The following PKD1 variants were observed in gnomAD, a reference collection of about 807,000 sequenced individuals.
PKD1 encodes the protein polycystin-1.
Under a neutral mutation model 361.7 loss-of-function variants are expected in PKD1, and 81 were observed. That is an observed-to-expected ratio of 0.22 (90% CI 0.19 to 0.27). The LOEUF is 0.27. PKD1 is among the 10% of genes least tolerant of loss of function. PKD1 has a pLI of 1.00. For missense variants in PKD1, 6,399 were observed against 6,118.3 expected (o/e 1.05, Z -1.53); for synonymous variants, 3,615 against 2,818.3 (o/e 1.28, Z -8.95).
chr16:2,093,180 G>C, intron 37 of PKD1, 87 bp from the exon 38 acceptor site: 1 of 1,511,652 alleles, frequency 6.6e-7, no homozygotes, highest in Non-Finnish European at 9.1e-7. Context: ...CATGGCTGCG[G>C]CAGGTGTGGC....
At position 2,110,328 on chromosome 16, in the gene PKD1, A is replaced by G; in HGVS notation, c.4839T>C (p.Ala1613=). 6.2e-7 allele frequency: 1 copy of G among 1,612,644 alleles called. No individual in the cohort carries two copies. Among genetic ancestry groups the G allele is most frequent in the Non-Finnish European group, 8.5e-7 (1 of 1,179,850 alleles). The change falls in exon 15 of 46, where the codon GCT becomes GCC. Residue 1613 remains alanine, a synonymous_variant. Transcript: ENST00000262304. ...CCTGGGCGGAGCCCACCTCGTTCTCAGCCGTGACGATGATATTGAAGGTGC... is the reference window on the plus strand; with the variant it reads ...CCTGGGCGGAGCCCACCTCGTTCTCGGCCGTGACGATGATATTGAAGGTGC... ...SVGTFNIIVT[A]ENEVGSAQDS... is the part of the protein sequence containing the mutation.
rs537675423 is a variant in PKD1 at position 2,111,299 on chromosome 16, G to C, written c.3868C>G (p.Leu1290Val). The C allele has an allele frequency of 7.1e-5, 115 of 1,609,208 alleles. No individual in the cohort carries two copies. The East Asian group carries it at 2.5e-3, about 35-fold the overall frequency. Residue 1290 changes from leucine (L) to valine (V), a missense_variant, in exon 15 of 46, where the codon CTG (leucine) becomes GTG (valine). By Grantham distance (32) the Leu-to-Val change is conservative. Transcript: ENST00000262304. Reference sequence around the variant, plus strand: ...CGCAGCACCTCCAGGACGAAGACCAGCACGTGCAGGCTCCGGGCCAGGTGG... The same window carrying C: ...CGCAGCACCTCCAGGACGAAGACCACCACGTGCAGGCTCCGGGCCAGGTGG... Reference protein sequence around the residue: ...AGHLARSLHVLVFVLEVLRVE... With the variant: ...AGHLARSLHVVVFVLEVLRVE...
Position 2,089,763 on chromosome 16 carries a change from A to C in PKD1, c.12876T>G (p.Leu4292=), listed in dbSNP as rs1187351488. 6.3e-7 allele frequency: 1 copy of C among 1,595,078 alleles called. No individual in the cohort carries two copies. Among genetic ancestry groups the C allele is most frequent in the South Asian group, 1.1e-5 (1 of 88,436 alleles). Reference sequence around the variant, plus strand: ...TGGGGTGGACCTTGTTCTTGGCCCGAAGGGGTGTCCTGCTGGGGCCAGTGG... The same window carrying C: ...TGGGGTGGACCTTGTTCTTGGCCCGCAGGGGTGTCCTGCTGGGGCCAGTGG... ...DLATGPSRTP[L]RAKNKVHPSS... The change falls in exon 46 of 46, where the codon CTT becomes CTG. Residue 4292 remains leucine (L), a synonymous_variant. Coordinates refer to ENST00000262304, the MANE Select transcript of PKD1 (RefSeq NM_001009944.3).
In PKD1 at chr16:2,103,733, G is replaced by A. The variant is rs186826765; in HGVS notation, c.8324C>T (p.Thr2775Met). ...RSRVLNEEPL[T>M]LAGEEIVAQG... ...GGCCACGATCTCCTCGCCCGCCAGC[G>A]TCAGGGGCTCCTCGTTGAGCACGCG... Residue 2775 changes from threonine (T) to methionine (M), a missense_variant, in exon 23 of 46, where the codon ACG becomes ATG. Coordinates refer to ENST00000262304, the MANE Select transcript of PKD1 (RefSeq NM_001009944.3). 4.6e-5 allele frequency: 74 copies of A among 1,610,036 alleles called. No individual in the cohort carries two copies. In the African/African-American group the frequency reaches 6.7e-4, roughly 15 times the overall value.
chr16:2,104,758 A>G, intron 21 of PKD1, 116 bp from the exon 22 acceptor site: 1 of 770,798 alleles, frequency 1.3e-6, no homozygotes, highest in Non-Finnish European at 2.2e-6. Context: ...TGGAGAGCCC[A>G]CTTGACTGGA....
At chr16:2,099,460 T>C (rs1346006521) in intron 30 of PKD1, 184 bp downstream of exon 30, 2 of 696,442 alleles carry the variant, frequency 2.9e-6, no homozygotes, top group East Asian at 2.8e-5. Flanking sequence ...TTCTGGCTTC[T>C]GAGTCTTCTC....
chr16:2,121,674 C>A (rs568229005), intron 1 of PKD1, among the ~76,000 whole-genome samples: 1 of 152,212 alleles, frequency 6.6e-6, no homozygotes, highest in East Asian at 1.9e-4. Context: ...GCCTCAAGCA[C>A]CTCGGGGGTC....
rs759043048 is a variant in PKD1 at position 2,110,595 on chromosome 16, G to A, written c.4572C>T (p.Thr1524=). ...CCTCATTCCAGCCGGCCACCCTAAC[G>A]GTGAAGTCACCTGTGCTGTTGTAAG... ...THAYNSTGDF[T]VRVAGWNEVS... Residue 1524 remains threonine (T), a synonymous_variant, in exon 15 of 46, where the codon ACC becomes ACT. Coordinates refer to ENST00000262304, the MANE Select transcript of PKD1 (RefSeq NM_001009944.3). 59 of 1,610,702 alleles carry A rather than the reference G, an allele frequency of 3.7e-5. No homozygotes were observed. Among genetic ancestry groups the A allele is most frequent in the East Asian group, 1.1e-4 (5 of 44,884 alleles).
At position 2,108,139 on chromosome 16, in the gene PKD1, G is replaced by A. The variant is rs985136319; in HGVS notation, c.6916-107C>T. On this transcript the variant is annotated intron_variant, in intron 15 of 45. Transcript: ENST00000262304. ...GGAGACCCCCTCCCCATGCTGGGAC[G>A]GGGCCCACCAGGCACTGAGGACGGG... 3.8e-5 allele frequency: 56 copies of A among 1,472,230 alleles called. 1 individual carries two copies. The Middle Eastern group carries it at 9.7e-4, about 26-fold the overall frequency. 91.2% of individuals were successfully genotyped at this position (1,472,230 alleles called of 1,614,324 possible). A position where few individuals can be genotyped will look rare whatever the true frequency, so the allele number is the denominator to read the frequency against.
At position 2,090,606 on chromosome 16, in the gene PKD1, C is replaced by T; in HGVS notation, c.12139-16G>A. ...AAGACACGAGCTGCGGGGAAGGCGA[C>T]ACCAGTGAGGGCGTACAGCTGAGCT... is the stretch of plus-strand genomic sequence containing the variant. On this transcript the variant is annotated splice_polypyrimidine_tract_variant and intron_variant, in intron 44 of 45. Transcript: ENST00000262304. The T allele has an allele frequency of 1.2e-6, 2 of 1,608,668 alleles. No homozygotes were observed. Among genetic ancestry groups the T allele is most frequent in the Non-Finnish European group, 1.7e-6 (2 of 1,179,738 alleles).
In PKD1 at chr16:2,114,320, C is replaced by A. The variant is rs1394193120; in HGVS notation, c.2703G>T (p.Trp901Cys). ...DTLFSVVALP[W>C]LSEGEHVVDV... ...CCACCACGTGCTCCCCCTCACTGAGCCACGGCAGTGCTACCACTGAGAACA... is the reference window on the plus strand; with the variant it reads ...CCACCACGTGCTCCCCCTCACTGAGACACGGCAGTGCTACCACTGAGAACA... The change falls in exon 11 of 46, where the codon TGG becomes TGT. Residue 901 changes from tryptophan to cysteine, a missense_variant. Transcript: ENST00000262304. 1.9e-5 allele frequency: 30 copies of A among 1,610,416 alleles called. No individual in the cohort carries two copies. Among genetic ancestry groups the A allele is most frequent in the Non-Finnish European group, 2.5e-5 (30 of 1,179,692 alleles).
chr16:2,112,989 C>G, intron 12 of PKD1, 26 bp from the exon 13 acceptor site: 1 of 1,589,532 alleles, frequency 6.3e-7, no homozygotes, highest in Non-Finnish European at 8.5e-7. Flanking sequence ...TCAGTGAGCC[C>G]AGGTGGCAGG....
chr16:2,118,547 C>T lies in PKD1; in HGVS notation c.530-85G>A. On this transcript the variant is annotated intron_variant, in intron 4 of 45. Coordinates refer to ENST00000262304, the MANE Select transcript of PKD1 (RefSeq NM_001009944.3). This position sits in a 1 kb window ranked among gnomAD's most constrained non-coding sequence, Gnocchi z 6.0. ...CACATCCGCCCGCCGCACTCACAGG[C>T]TCCCATGCTGTTCCCTTGGCCCGGA... 2 of 1,229,762 alleles carry T rather than the reference C, an allele frequency of 1.6e-6. No homozygotes were observed. Among genetic ancestry groups the T allele is most frequent in the South Asian group, 1.3e-5 (1 of 78,204 alleles). 76.2% of individuals were successfully genotyped at this position (1,229,762 alleles called of 1,614,324 possible). A position where few individuals can be genotyped will look rare whatever the true frequency, so the allele number is the denominator to read the frequency against.
At chr16:2,108,143 C>T (rs2092407400) in intron 15 of PKD1, 109 bp downstream of exon 15, 14 of 1,461,882 alleles carry the variant, frequency 9.6e-6, no homozygotes, top group African/African-American at 2.8e-5. Flanking sequence ...TGGGACGGGG[C>T]CCACCAGGCA....
At chr16:2,098,223 C>T (rs3874648) in intron 30 of PKD1, 62,003 of 577,616 alleles carry the variant, frequency 0.11, 6,743 homozygotes, top group African/African-American at 0.48. Context: ...TTCATATTTT[C>T]TTTTTTAGAT....
At position 2,091,053 on chromosome 16, in the gene PKD1, G is replaced by A. The variant is rs2091494804; in HGVS notation, c.11834C>T (p.Thr3945Met). The A allele has an allele frequency of 5.3e-6, 8 of 1,523,764 alleles. No homozygotes were observed. The highest frequency in any genetic ancestry group is 1.4e-5 in the African/African-American group (1 of 72,006). 94.4% of individuals were successfully genotyped at this position (1,523,764 alleles called of 1,614,324 possible). ...GAGGCGTACCAGTGCCGTGGCCGCC[G>A]TCAGCGCCACCAGCAGCCACCGCGC... ...AWARWLLVALTAATALVRLAQ... is the reference protein window; with the variant it reads ...AWARWLLVALMAATALVRLAQ... Residue 3945 changes from threonine (T) to methionine (M), a missense_variant, in exon 43 of 46, where the codon ACG (threonine) becomes ATG (methionine). Physicochemically the swap from Thr to Met is moderately conservative, Grantham distance 81 (BLOSUM62 -1). Transcript: ENST00000262304.
Position 2,097,886 on chromosome 16 carries a change from G to C in PKD1, c.10149C>G (p.Phe3383Leu), listed in dbSNP as rs777985330. ...TCCTCACCTCAGCGTGGAGGCCTGA[G>C]AACGTGAGGAAGGAGCTGTCCAGCA... is the stretch of plus-strand genomic sequence containing the variant. ...SSVLDSSFLT[F>L]SGLHAEQAFV... Residue 3383 changes from phenylalanine (F) to leucine (L), a missense_variant, in exon 31 of 46, where the codon TTC becomes TTG. By Grantham distance (22) the Phe-to-Leu change is conservative. Transcript: ENST00000262304. The C allele has an allele frequency of 8.7e-6, 14 of 1,603,264 alleles. No individual in the cohort carries two copies. Among genetic ancestry groups the C allele is most frequent in the Admixed American group, 3.3e-5 (2 of 59,994 alleles).
rs979309084 is a variant in PKD1, at chr16:2,118,254, G to A, written c.738C>T (p.Ser246=). The A allele has an allele frequency of 3.9e-6, 6 of 1,533,074 alleles. No individual in the cohort carries two copies. Among genetic ancestry groups the A allele is most frequent in the East Asian group, 2.4e-5 (1 of 41,024 alleles). 95.0% of individuals were successfully genotyped at this position (1,533,074 alleles called of 1,614,324 possible). A position where few individuals can be genotyped will look rare whatever the true frequency, so the allele number is the denominator to read the frequency against. ...GAGGTGGCGGGGGGCCGGAGCAGAG[G>A]GACAGGCAGGCAAAGGAGGCACTGG... ...QPSSASFACL[S]LCSGPPPPPA... The change falls in exon 5 of 46, where the codon TCC becomes TCT. Residue 246 remains serine (S), a synonymous_variant. Transcript: ENST00000262304. This position sits in a 1 kb window ranked among gnomAD's most constrained non-coding sequence, Gnocchi z 6.0.
Position 2,108,730 on chromosome 16 carries a change from C to A in PKD1, c.6437G>T (p.Cys2146Phe), listed in dbSNP as rs1249057482. 2.5e-6 allele frequency: 4 copies of A among 1,571,560 alleles called. No homozygotes were observed. Among genetic ancestry groups the A allele is most frequent in the African/African-American group, 1.4e-5 (1 of 73,844 alleles). ...GACCACGTCCACCTCCGGCTCCCGGCAGGCCAGCACCTGGACGGTCACCGT... is the reference window on the plus strand; with the variant it reads ...GACCACGTCCACCTCCGGCTCCCGGAAGGCCAGCACCTGGACGGTCACCGT... ...QATVTVQVLA[C>F]REPEVDVVLP... The change falls in exon 15 of 46, where the codon TGC (cysteine) becomes TTC (phenylalanine). Residue 2146 changes from cysteine (C) to phenylalanine (F), a missense_variant. Physicochemically the swap from Cys to Phe is radical, Grantham distance 205 (BLOSUM62 -2). Coordinates refer to ENST00000262304, the MANE Select transcript of PKD1 (RefSeq NM_001009944.3).
Sources: allele counts gnomAD v4.1 joint callset (sites outside exome capture counted in the v4.1 genomes callset), GRCh38; gene constraint gnomAD v4.1.1; non-coding constraint Gnocchi (gnomAD v3.1); transcripts MANE v1.5; gene names NCBI Gene and HGNC (gene_info 2026-07-23, HGNC 2026-07-21).